The following CNTNAP2 variants were observed in gnomAD, a reference collection of about 807,000 sequenced individuals.
The protein encoded by CNTNAP2 is contactin associated protein 2.
CNTNAP2 carries 98 observed loss-of-function variants against 155.2 expected under a neutral mutation model. That is an observed-to-expected ratio of 0.63 (90% CI 0.54 to 0.75). The LOEUF is 0.75. CNTNAP2 is among the 30% of genes least tolerant of loss of function. The pLI is 0.00. For synonymous variants in CNTNAP2, 651 were observed against 631.2 expected (o/e 1.03, Z -0.47); for missense variants, 1,727 against 1,688.1 (o/e 1.02, Z -0.40).
chr7:147,175,065 T>C (rs1179535764), intron 8 of CNTNAP2, among the ~76,000 whole-genome samples: 2 of 152,130 alleles, frequency 1.3e-5, no homozygotes, highest in Non-Finnish European at 2.9e-5. Flanking sequence ...TAAAAACATG[T>C]ATATGCCCAA....
At chr7:146,301,543 G>C (rs1800610590) in intron 1 of CNTNAP2, among the ~76,000 whole-genome samples, 1 of 151,952 alleles carries the variant, frequency 6.6e-6, no homozygotes, top group African/African-American at 2.4e-5. Flanking sequence ...GGAGAATGGT[G>C]TGAACCCGGG....
chr7:147,427,704 T>C (rs1344889139), intron 10 of CNTNAP2, among the ~76,000 whole-genome samples: 2 of 152,246 alleles, frequency 1.3e-5, no homozygotes, highest in East Asian at 3.9e-4. Flanking sequence ...TAACTAAAAA[T>C]AGATATTTTT....
intron 3 of CNTNAP2, among the ~76,000 whole-genome samples, chr7:146,900,527 A>G (rs914700612): frequency 6.6e-6 from 1 of 152,176 alleles, no homozygotes; most frequent in Non-Finnish European, 1.5e-5. Flanking sequence ...ATGTATTTGA[A>G]TGGCTGATAG....
intron 1 of CNTNAP2, among the ~76,000 whole-genome samples, chr7:146,497,023 T>C (rs1797225965): frequency 6.6e-6 from 1 of 152,200 alleles, no homozygotes; most frequent in South Asian, 2.1e-4. Context: ...ACAGTACATG[T>C]AATCTCCTTT....
At chr7:147,798,179 A>G (rs1458306894) in intron 13 of CNTNAP2, among the ~76,000 whole-genome samples, 2 of 152,194 alleles carry the variant, frequency 1.3e-5, no homozygotes, top group African/African-American at 4.8e-5. Flanking sequence ...GCTTTTTGCA[A>G]GATTGATGGT....
intron 21 of CNTNAP2, among the ~76,000 whole-genome samples, chr7:148,336,263 C>G (rs1798113256): frequency 6.6e-6 from 1 of 151,938 alleles, no homozygotes; most frequent in Non-Finnish European, 1.5e-5. Flanking sequence ...TAATTCTAGT[C>G]CTTATTTAAT....
At chr7:146,800,287 C>A (rs759153725) in intron 2 of CNTNAP2, among the ~76,000 whole-genome samples, 1 of 152,110 alleles carries the variant, frequency 6.6e-6, no homozygotes, top group Non-Finnish European at 1.5e-5. Context: ...CTCCCCAGAG[C>A]TCCTCAGTGA....
intron 1 of CNTNAP2, among the ~76,000 whole-genome samples, chr7:146,366,561 A>C (rs1316295056): frequency 2.6e-5 from 4 of 152,150 alleles, no homozygotes; most frequent in Non-Finnish European, 5.9e-5. Context: ...TTTTGAAATC[A>C]GATGATGGGC....
chr7:147,112,990 A>G (rs1421407285), intron 5 of CNTNAP2, among the ~76,000 whole-genome samples: 1 of 152,036 alleles, frequency 6.6e-6, no homozygotes, highest in Non-Finnish European at 1.5e-5. Flanking sequence ...CCTCTGGTAG[A>G]ATGCAGCTGT....
At chr7:147,098,439 ATTGTT>A (rs1364724681) in intron 4 of CNTNAP2, among the ~76,000 whole-genome samples, 2 of 152,046 alleles carry the variant, frequency 1.3e-5, no homozygotes, top group Non-Finnish European at 2.9e-5. Context: ...AAGTTCCTGT[ATTGTT>A]TTTTGTTTGT....
chr7:146,462,010 A>G (rs973369311), intron 1 of CNTNAP2, among the ~76,000 whole-genome samples: 3 of 152,188 alleles, frequency 2.0e-5, no homozygotes, highest in African/African-American at 7.2e-5. Context: ...ATTACTTTAA[A>G]TATTCTAAAT....
intron 3 of CNTNAP2, among the ~76,000 whole-genome samples, chr7:147,026,384 A>T (rs747229275): frequency 1.3e-5 from 2 of 152,206 alleles, no homozygotes; most frequent in Non-Finnish European, 2.9e-5. Context: ...TGCTTTTTAG[A>T]CTAACAAAAT....
intron 1 of CNTNAP2, among the ~76,000 whole-genome samples, chr7:146,236,177 C>T (rs1482687625): frequency 6.6e-6 from 1 of 151,878 alleles, no homozygotes; most frequent in Non-Finnish European, 1.5e-5. Context: ...AACTATTTCA[C>T]CAAGAATTAA....
At chr7:147,959,615 T>C (rs1483981233) in intron 14 of CNTNAP2, among the ~76,000 whole-genome samples, 1 of 152,122 alleles carries the variant, frequency 6.6e-6, no homozygotes, top group Non-Finnish European at 1.5e-5. Context: ...CGACCTTGAA[T>C]TACATGTAGA....
chr7:148,355,340 A>G (rs1036026442), intron 21 of CNTNAP2, among the ~76,000 whole-genome samples: 8 of 151,516 alleles, frequency 5.3e-5, no homozygotes, highest in Non-Finnish European at 8.8e-5. Context: ...GTGGACACTC[A>G]TTGCCCAGAC....
rs531358550 is a variant in CNTNAP2, at chr7:146,903,460, A to T, written c.402+63556A>T. On this transcript the variant is annotated intron_variant, in intron 3 of 23. Transcript: ENST00000361727. ...AACCAAATTTCTGACCCCCACTCCA[A>T]CAAAATAAAACAAAATGAAACTAAA... is the stretch of plus-strand genomic sequence containing the variant. 7.1e-4 allele frequency among the ~76,000 whole-genome samples: 108 copies of T among 152,330 alleles called. 1 individual carries two copies. The South Asian group carries it at 8.7e-3, about 12-fold the overall frequency.
intron 1 of CNTNAP2, among the ~76,000 whole-genome samples, chr7:146,354,936 A>G (rs975153176): frequency 2.0e-5 from 3 of 152,164 alleles, no homozygotes; most frequent in Non-Finnish European, 4.4e-5. Context: ...TAGTTGGCCA[A>G]AGGATTGGCA....
intron 1 of CNTNAP2, among the ~76,000 whole-genome samples, chr7:146,698,614 A>G (rs6959302): frequency 0.02 from 3,008 of 152,136 alleles, 115 homozygotes; most frequent in African/African-American, 0.068. Flanking sequence ...TTTATCAGAG[A>G]GTTTGGCACT....
chr7:146,221,599 A>T (rs529853048), intron 1 of CNTNAP2, among the ~76,000 whole-genome samples: 4 of 152,152 alleles, frequency 2.6e-5, no homozygotes, highest in African/African-American at 9.7e-5. Context: ...CAATCAGATA[A>T]AGAGTCCGAT....
Sources: gnomAD v4.1 joint callset for allele counts (sites outside exome capture counted in the v4.1 genomes callset) on GRCh38, gnomAD v4.1.1 for gene constraint, MANE v1.5 for transcripts, NCBI Gene and HGNC (gene_info 2026-07-23, HGNC 2026-07-21) for gene names.